The following ARHGAP25 variants were observed in gnomAD, a reference collection of about 807,000 sequenced individuals.
ARHGAP25 encodes the protein Rho GTPase activating protein 25.
ARHGAP25 carries 34 observed loss-of-function variants against 71.0 expected under a neutral mutation model. The observed-to-expected ratio is 0.48, with a 90% CI of 0.36 to 0.64. ARHGAP25 has a LOEUF of 0.64. ARHGAP25 is among the 30% of genes least tolerant of loss of function. ARHGAP25 has a pLI of 0.00. For missense variants in ARHGAP25, 706 were observed against 805.1 expected (o/e 0.88, Z 1.49); for synonymous variants, 282 against 296.5 (o/e 0.95, Z 0.50).
intron 1 of ARHGAP25, among the ~76,000 whole-genome samples, chr2:68,759,067 A>G (rs1403825326): frequency 6.6e-6 from 1 of 151,914 alleles, no homozygotes; most frequent in Admixed American, 6.6e-5. Flanking sequence ...ATGAAAACAA[A>G]AACACTACAT....
chr2:68,716,604 T>C (rs1029824374), intron 2 of ARHGAP25, among the ~76,000 whole-genome samples: 1 of 152,154 alleles, frequency 6.6e-6, no homozygotes, highest in South Asian at 2.1e-4. Flanking sequence ...CCCTTTGCCT[T>C]CATAAGTTTG....
chr2:68,746,849 A>C (rs760794334), intron 1 of ARHGAP25, among the ~76,000 whole-genome samples: 5 of 152,102 alleles, frequency 3.3e-5, no homozygotes, highest in Non-Finnish European at 7.4e-5. Flanking sequence ...TCTACTAAAA[A>C]TACAAAAAAT....
chr2:68,711,146 T>A (rs1200174763), intron 2 of ARHGAP25, among the ~76,000 whole-genome samples: 7 of 152,346 alleles, frequency 4.6e-5, no homozygotes, highest in African/African-American at 1.7e-4. Context: ...GGAAATCCAA[T>A]GTCTTCTCCT....
intron 3 of ARHGAP25, among the ~76,000 whole-genome samples, chr2:68,786,733 C>T (rs772404026): frequency 1.2e-4 from 18 of 152,042 alleles, no homozygotes; most frequent in Admixed American, 2.6e-4. Context: ...TCCAAGAGAC[C>T]AGAACCAAAG....
chr2:68,744,101 A>G (rs985618925), intron 1 of ARHGAP25, among the ~76,000 whole-genome samples: 1 of 152,020 alleles, frequency 6.6e-6, no homozygotes, highest in Non-Finnish European at 1.5e-5. Flanking sequence ...TTTTTATGAA[A>G]TCTTTTAGTC....
intron 2 of ARHGAP25, among the ~76,000 whole-genome samples, chr2:68,776,122 C>T (rs1677891044): frequency 6.6e-6 from 1 of 151,992 alleles, no homozygotes; most frequent in Non-Finnish European, 1.5e-5. Context: ...GAGAGAACGG[C>T]CGGTGCTAAG....
At chr2:68,797,103 A>C (rs1438234907) in intron 4 of ARHGAP25, among the ~76,000 whole-genome samples, 6 of 152,186 alleles carry the variant, frequency 3.9e-5, no homozygotes, top group Admixed American at 3.9e-4. Flanking sequence ...TGGAACACCC[A>C]GGAGCCTGGA....
intron 1 of ARHGAP25, chr2:68,774,875 C>A: frequency 1.6e-6 from 2 of 1,285,852 alleles, no homozygotes; most frequent in African/African-American, 1.5e-5. Flanking sequence ...AAAAAGGAAG[C>A]ACCTTTTGTC....
At chr2:68,768,053 T>C (rs1269102963) in intron 1 of ARHGAP25, among the ~76,000 whole-genome samples, 1 of 152,232 alleles carries the variant, frequency 6.6e-6, no homozygotes, top group African/African-American at 2.4e-5. Context: ...TACATGCTCC[T>C]TTCTGGGCTG....
rs560483288 is a variant in ARHGAP25 at position 68,756,222 on chromosome 2, G to T, written c.62-18999G>T. Among the ~76,000 whole-genome samples the T allele has an allele frequency of 2.0e-5, 3 of 152,338 alleles. No homozygotes were observed. The East Asian group carries it at 5.8e-4, about 29-fold the overall frequency. ...GCCCTGTGGCAGGCTTTCCAGATGT[G>T]CATACATTCCAGTAGCAGCTTGTGC... On this transcript the variant is annotated intron_variant, in intron 1 of 10. Transcript: ENST00000409202.
intron 2 of ARHGAP25, among the ~76,000 whole-genome samples, chr2:68,725,333 A>G (rs2104261839): frequency 6.6e-6 from 1 of 152,126 alleles, no homozygotes. Context: ...TAATAATAAT[A>G]ATAATTATTG....
intron 2 of ARHGAP25, among the ~76,000 whole-genome samples, chr2:68,717,217 A>G (rs1456753869): frequency 6.6e-6 from 1 of 152,238 alleles, no homozygotes. Flanking sequence ...AACATAGAAA[A>G]GGTACAGTAA....
At chr2:68,818,340 T>C (rs1681382450) in intron 8 of ARHGAP25, among the ~76,000 whole-genome samples, 1 of 152,200 alleles carries the variant, frequency 6.6e-6, no homozygotes, top group South Asian at 2.1e-4. Flanking sequence ...TATTTAGGTA[T>C]TTATTGAGTT....
intron 2 of ARHGAP25, among the ~76,000 whole-genome samples, chr2:68,711,237 G>A (rs1674475029): frequency 6.6e-6 from 1 of 152,198 alleles, no homozygotes; most frequent in Admixed American, 6.5e-5. Context: ...GGTTGTGGTG[G>A]ATGGGGGAGG....
At chr2:68,726,424 G>A (rs1294120657) in intron 2 of ARHGAP25, among the ~76,000 whole-genome samples, 1 of 152,224 alleles carries the variant, frequency 6.6e-6, no homozygotes, top group Admixed American at 6.5e-5. Flanking sequence ...GATTTGCTCA[G>A]TGTGCTCCTT....
chr2:68,826,543 T>G lies in ARHGAP25; in HGVS notation c.*349T>G. Reference sequence around the variant, plus strand: ...GGCTGGACTAAGGTGTGATTAATTCTTTGTTTTTTGTGTGGAACAGCTCAC... The same window carrying G: ...GGCTGGACTAAGGTGTGATTAATTCGTTGTTTTTTGTGTGGAACAGCTCAC... On this transcript the variant is annotated 3_prime_UTR_variant, in exon 11 of 11. Transcript: ENST00000409202. The G allele has an allele frequency of 2.7e-6, 1 of 376,882 alleles. No individual in the cohort carries two copies. Among genetic ancestry groups the G allele is most frequent in the South Asian group, 2.1e-5 (1 of 46,970 alleles). The allele number at this position is 376,882 out of a possible 1,614,324, so 23.3% of individuals were successfully genotyped here.
At chr2:68,817,475 C>T (rs1681318752) in intron 7 of ARHGAP25, among the ~76,000 whole-genome samples, 1 of 152,138 alleles carries the variant, frequency 6.6e-6, no homozygotes, top group Non-Finnish European at 1.5e-5. Flanking sequence ...ATCTTCTTAC[C>T]AATAAAGTTT....
intron 5 of ARHGAP25, among the ~76,000 whole-genome samples, chr2:68,810,721 CT>C (rs1411947399): frequency 2.6e-5 from 2 of 77,232 alleles, no homozygotes; most frequent in African/African-American, 5.5e-5. Flanking sequence ...AATTTCTTTT[CT>C]TTTCTTCTCT....
At chr2:68,743,279 G>T (rs1394824320) in intron 1 of ARHGAP25, among the ~76,000 whole-genome samples, 1 of 152,066 alleles carries the variant, frequency 6.6e-6, no homozygotes, top group Non-Finnish European at 1.5e-5. Flanking sequence ...GTTGGAAGTT[G>T]TTAGTGTGGG....
Sources: gnomAD v4.1 joint callset for allele counts (sites outside exome capture counted in the v4.1 genomes callset) on GRCh38, gnomAD v4.1.1 for gene constraint, MANE v1.5 for transcripts, NCBI Gene and HGNC (gene_info 2026-07-23, HGNC 2026-07-21) for gene names.